The following RBMS3 variants were observed in gnomAD, a reference collection of about 807,000 sequenced individuals.
The protein encoded by RBMS3 is RNA binding motif single stranded interacting protein 3.
In RBMS3, 27 loss-of-function variants were observed where a neutral mutation model predicts 66.8. The observed-to-expected ratio is 0.40, with a 90% CI of 0.30 to 0.56. RBMS3 has a LOEUF of 0.56. Among genes scored for constraint, RBMS3 ranks in the 20% least tolerant of loss-of-function variants. RBMS3 has a pLI of 0.40. For missense variants in RBMS3, 513 were observed against 549.5 expected (o/e 0.93, Z 0.66); for synonymous variants, 188 against 183.0 (o/e 1.03, Z -0.22).
At chr3:29,318,347 A>C (rs141757574) in intron 1 of RBMS3, among the ~76,000 whole-genome samples, 1 of 152,024 alleles carries the variant, frequency 6.6e-6, no homozygotes, top group African/African-American at 2.4e-5. Flanking sequence ...TTGCAAGACA[A>C]AATGATCATT....
intron 4 of RBMS3, among the ~76,000 whole-genome samples, chr3:29,662,076 A>G (rs187496516): frequency 6.1e-4 from 93 of 152,324 alleles, no homozygotes; most frequent in African/African-American, 2.2e-3. Context: ...TTGTGACAAC[A>G]TTGACCTTTT....
chr3:29,836,145 C>G (rs1021644442), intron 6 of RBMS3, among the ~76,000 whole-genome samples: 69 of 152,040 alleles, frequency 4.5e-4, no homozygotes, highest in African/African-American at 1.6e-3. Context: ...AAAAGAAAAA[C>G]CTATGACCTA....
At chr3:29,859,468 GTAACTTTGCCACCAACTACCACAAAT>G (rs1559745038) in intron 6 of RBMS3, among the ~76,000 whole-genome samples, 1 of 152,194 alleles carries the variant, frequency 6.6e-6, no homozygotes, top group Non-Finnish European at 1.5e-5. Flanking sequence ...AGAACTGATT[GTAACTTTGCCACCAACTACCACAAAT>G]TAGCAAGCAA....
intron 1 of RBMS3, among the ~76,000 whole-genome samples, chr3:29,380,002 G>C (rs1438755563): frequency 2.0e-5 from 3 of 152,136 alleles, no homozygotes; most frequent in Admixed American, 2.0e-4. Flanking sequence ...GAATGAATTT[G>C]CTTTGCAGAA....
intron 4 of RBMS3, among the ~76,000 whole-genome samples, chr3:29,716,643 A>G (rs2053406498): frequency 6.6e-6 from 1 of 152,178 alleles, no homozygotes; most frequent in African/African-American, 2.4e-5. Context: ...CTTGTTATAT[A>G]TAAGTACAGT....
chr3:29,813,965 C>A (rs895757638), intron 6 of RBMS3, among the ~76,000 whole-genome samples: 1 of 151,922 alleles, frequency 6.6e-6, no homozygotes, highest in African/African-American at 2.4e-5. Context: ...AATTGAATAC[C>A]CTTTATTTCC....
intron 5 of RBMS3, among the ~76,000 whole-genome samples, chr3:29,747,763 C>T (rs1423997335): frequency 2.0e-5 from 3 of 152,170 alleles, no homozygotes; most frequent in African/African-American, 4.8e-5. Context: ...AGGCAACATT[C>T]GTTTGGTTAA....
chr3:29,651,298 T>TAGAAAATTAG (rs1412576791), intron 4 of RBMS3, among the ~76,000 whole-genome samples: 1 of 152,176 alleles, frequency 6.6e-6, no homozygotes, highest in Non-Finnish European at 1.5e-5. Context: ...ATATTGCACT[T>TAGAAAATTAG]AGAAAATTAG....
At chr3:29,585,039 ATTTG>A (rs2047464196) in intron 3 of RBMS3, among the ~76,000 whole-genome samples, 1 of 152,132 alleles carries the variant, frequency 6.6e-6, no homozygotes, top group African/African-American at 2.4e-5. Context: ...TTGTATGGTT[ATTTG>A]TTCTTATCCA....
intron 1 of RBMS3, among the ~76,000 whole-genome samples, chr3:29,347,543 G>A (rs985108755): frequency 6.6e-6 from 1 of 152,096 alleles, no homozygotes; most frequent in Non-Finnish European, 1.5e-5. Flanking sequence ...ATTCGCGATG[G>A]GGGGAAAATG....
At chr3:29,350,282 G>A (rs2036834173) in intron 1 of RBMS3, among the ~76,000 whole-genome samples, 2 of 152,026 alleles carry the variant, frequency 1.3e-5, no homozygotes, top group Admixed American at 1.3e-4. Context: ...CTGCTAGTTA[G>A]CATGGTTCAT....
chr3:29,732,832 C>T (rs1034959059), intron 4 of RBMS3, among the ~76,000 whole-genome samples: 5 of 152,024 alleles, frequency 3.3e-5, no homozygotes, highest in African/African-American at 1.2e-4. Context: ...TTCTTTTCTA[C>T]AGGTGAGAGT....
intron 3 of RBMS3, among the ~76,000 whole-genome samples, chr3:29,556,092 C>G (rs185924846): frequency 6.6e-6 from 1 of 151,300 alleles, no homozygotes. Context: ...ATTATTCTGC[C>G]GTATCATAAG....
chr3:29,296,902 TC>T lies in RBMS3; in HGVS notation c.75+15147del, dbSNP rs1684771004. On this transcript the variant is annotated intron_variant, in intron 1 of 14. Transcript: ENST00000383767. ...ACCTTTTTTTTTTTAAACACTTTAG[TC>T]AAATTAGCATTTTTTTTTAACTGCT... is the stretch of plus-strand genomic sequence containing the variant. Among the ~76,000 whole-genome samples, 3 of 151,484 alleles carry T rather than the reference TC, an allele frequency of 2.0e-5. No individual in the cohort carries two copies. In the South Asian group the frequency reaches 6.2e-4, roughly 31 times the overall value.
chr3:29,834,954 C>A (rs1435273450), intron 6 of RBMS3, among the ~76,000 whole-genome samples: 2 of 151,860 alleles, frequency 1.3e-5, no homozygotes, highest in East Asian at 1.9e-4. Flanking sequence ...ATAGTCCATG[C>A]AAGCTGAAAC....
intron 4 of RBMS3, among the ~76,000 whole-genome samples, chr3:29,618,939 A>C (rs951166142): frequency 6.6e-6 from 1 of 152,212 alleles, no homozygotes; most frequent in African/African-American, 2.4e-5. Context: ...AAGCCCAAAC[A>C]AAAGTAGGTA....
intron 1 of RBMS3, among the ~76,000 whole-genome samples, chr3:29,426,336 A>G (rs2040958920): frequency 6.6e-6 from 1 of 152,216 alleles, no homozygotes; most frequent in African/African-American, 2.4e-5. Context: ...TAAATTTATT[A>G]ATCAAATTTG....
In RBMS3 at chr3:29,824,618, C is replaced by T. The variant is rs113032344; in HGVS notation, c.638-44240C>T. 3.3e-3 allele frequency among the ~76,000 whole-genome samples: 506 copies of T among 152,248 alleles called. 5 individuals are homozygous for T. The highest frequency in any genetic ancestry group is 0.011 in the African/African-American group (463 of 41,540). On this transcript the variant is annotated intron_variant, in intron 6 of 14. Coordinates refer to ENST00000383767, the MANE Select transcript of RBMS3 (RefSeq NM_001003793.3). ...TTTTTTCTTTATTATAACCACTTCA[C>T]AGCAATTGCAGCATTAGAAATTTTA...
intron 4 of RBMS3, among the ~76,000 whole-genome samples, chr3:29,675,616 A>G (rs1255147233): frequency 6.6e-6 from 1 of 152,226 alleles, no homozygotes; most frequent in African/African-American, 2.4e-5. Flanking sequence ...AAATGGGTGA[A>G]GGATATGAAT....
Sources: allele counts gnomAD v4.1 joint callset (sites outside exome capture counted in the v4.1 genomes callset), GRCh38; gene constraint gnomAD v4.1.1; transcripts MANE v1.5; gene names NCBI Gene and HGNC (gene_info 2026-07-23, HGNC 2026-07-21).